Variants in PCCA observed in about 807,000 individuals in gnomAD.
PCCA encodes propionyl-CoA carboxylase subunit alpha.
Under a neutral mutation model 101.3 loss-of-function variants are expected in PCCA, and 74 were observed. That is an observed-to-expected ratio of 0.73 (90% CI 0.61 to 0.89). The LOEUF is 0.89. Ranked by LOEUF, PCCA falls within the 40% of genes least tolerant of loss-of-function variation. The pLI, the probability that PCCA is intolerant of heterozygous loss-of-function variation, is 0.00. For missense variants in PCCA, 891 were observed against 907.0 expected (o/e 0.98, Z 0.23); for synonymous variants, 294 against 313.6 (o/e 0.94, Z 0.66).
chr13:100,370,108 G>A (rs1253604308), intron 19 of PCCA, among the ~76,000 whole-genome samples: 2 of 115,482 alleles, frequency 1.7e-5, no homozygotes, highest in Non-Finnish European at 3.3e-5. Context: ...TTGAGACAGA[G>A]TCTTGCTCTG....
rs544013567 is a variant in PCCA, at chr13:100,178,622, A to G, written c.468+21282A>G. 7.2e-5 allele frequency among the ~76,000 whole-genome samples: 11 copies of G among 152,270 alleles called. No individual in the cohort carries two copies. The South Asian group carries it at 1.7e-3, about 23-fold the overall frequency. ...TAGAAGGATAGGAGGTTCAGGCAGC[A>G]TTTCCTCTGGCAAATACTAAGATTT... On this transcript the variant is annotated intron_variant, in intron 6 of 23. Coordinates refer to ENST00000376285, the MANE Select transcript of PCCA (RefSeq NM_000282.4).
At chr13:100,441,579 A>C (rs934248206) in intron 20 of PCCA, among the ~76,000 whole-genome samples, 5 of 152,242 alleles carry the variant, frequency 3.3e-5, no homozygotes, top group Non-Finnish European at 5.9e-5. Flanking sequence ...TTTTTTAAAG[A>C]AATAAAAAGG....
At chr13:100,366,610 A>C (rs2075184330) in intron 18 of PCCA, among the ~76,000 whole-genome samples, 1 of 151,122 alleles carries the variant, frequency 6.6e-6, no homozygotes, top group Admixed American at 6.6e-5. Context: ...TTCTGCTCAG[A>C]CCTCCTTTTC....
intron 18 of PCCA, among the ~76,000 whole-genome samples, chr13:100,349,749 T>C (rs1194080312): frequency 6.9e-6 from 1 of 144,946 alleles, no homozygotes; most frequent in African/African-American, 2.6e-5. Flanking sequence ...CAGTGTACTT[T>C]GTGCTCAGGC....
At chr13:100,090,279 ATGTT>A (rs2046159672) in intron 1 of PCCA, among the ~76,000 whole-genome samples, 2 of 152,074 alleles carry the variant, frequency 1.3e-5, no homozygotes, top group Non-Finnish European at 2.9e-5. Context: ...AGTGGCACCT[ATGTT>A]TGTTTTGTGT....
chr13:100,208,488 T>C (rs902288339), intron 6 of PCCA, among the ~76,000 whole-genome samples: 1 of 152,218 alleles, frequency 6.6e-6, no homozygotes, highest in African/African-American at 2.4e-5. Context: ...GGTCTGGTTT[T>C]TCCCATTTTA....
intron 9 of PCCA, among the ~76,000 whole-genome samples, chr13:100,257,949 C>T (rs1241694431): frequency 6.6e-6 from 1 of 152,000 alleles, no homozygotes; most frequent in Non-Finnish European, 1.5e-5. Context: ...AAATTACAGT[C>T]AGGATTCTAT....
chr13:100,262,730 G>C lies in PCCA; in HGVS notation c.718G>C (p.Asp240His). The change falls in exon 10 of 24, where the codon GAT becomes CAT. Residue 240 changes from aspartate to histidine, a missense_variant and splice_region_variant. Coordinates refer to ENST00000376285, the MANE Select transcript of PCCA (RefSeq NM_000282.4). ...RIAWDDEETR[D>H]GFRLSSQEAA... Reference sequence around the variant, plus strand: ...CCTTCTTCCTTCTTTTTTTCACAGGGATGGTTTTAGATTGTCATCTCAAGA... The same window carrying C: ...CCTTCTTCCTTCTTTTTTTCACAGGCATGGTTTTAGATTGTCATCTCAAGA... 1 of 1,520,782 alleles carries C rather than the reference G, an allele frequency of 6.6e-7. No homozygotes were observed. The highest frequency in any genetic ancestry group is 9.1e-7 in the Non-Finnish European group (1 of 1,099,332). The allele number at this position is 1,520,782 out of a possible 1,614,324, so 94.2% of individuals were successfully genotyped here. A position where few individuals can be genotyped will look rare whatever the true frequency, so the allele number is the denominator to read the frequency against.
rs116588580 is a variant in PCCA, at chr13:100,243,922, T to G, written c.637+8044T>G. The stretch of plus-strand genomic sequence containing the variant: ...TTTGTTGCTTATATACAACCAATAA[T>G]TCATACTTAAGAGGGATAAAAATAT... On this transcript the variant is annotated intron_variant, in intron 8 of 23. Transcript: ENST00000376285. Among the ~76,000 whole-genome samples the G allele has an allele frequency of 6.3e-3, 960 of 152,326 alleles. 13 individuals carry two copies. Among genetic ancestry groups the G allele is most frequent in the African/African-American group, 0.014 (589 of 41,574 alleles).
intron 7 of PCCA, among the ~76,000 whole-genome samples, chr13:100,218,667 T>C (rs528375941): frequency 1.3e-5 from 2 of 152,206 alleles, no homozygotes; most frequent in East Asian, 1.9e-4. Context: ...CTCTAACTAA[T>C]AGAATATGGC....
At chr13:100,163,406 A>C (rs2054698479) in intron 6 of PCCA, among the ~76,000 whole-genome samples, 1 of 152,034 alleles carries the variant, frequency 6.6e-6, no homozygotes, top group Non-Finnish European at 1.5e-5. Flanking sequence ...ATTGTGTTTT[A>C]TTCTTACTAT....
intron 20 of PCCA, among the ~76,000 whole-genome samples, chr13:100,436,394 A>G (rs1013248856): frequency 6.6e-6 from 1 of 152,242 alleles, no homozygotes; most frequent in African/African-American, 2.4e-5. Context: ...ACAAAGTTGC[A>G]AAGACTGGAC....
chr13:100,207,280 C>G (rs2058917243), intron 6 of PCCA, among the ~76,000 whole-genome samples: 1 of 152,104 alleles, frequency 6.6e-6, no homozygotes, highest in African/African-American at 2.4e-5. Flanking sequence ...TTTCCCTTTT[C>G]TTTTGTTTTG....
intron 1 of PCCA, among the ~76,000 whole-genome samples, chr13:100,092,213 A>G (rs184313435): frequency 3.4e-4 from 52 of 152,262 alleles, no homozygotes; most frequent in African/African-American, 1.2e-3. Flanking sequence ...ACCGAGCCCA[A>G]TGGTGTGATT....
chr13:100,457,659 G>A (rs549519141), intron 21 of PCCA, among the ~76,000 whole-genome samples: 1 of 152,302 alleles, frequency 6.6e-6, no homozygotes, highest in African/African-American at 2.4e-5. Flanking sequence ...TTGATCTGGA[G>A]GGAGACACTC....
intron 16 of PCCA, among the ~76,000 whole-genome samples, chr13:100,316,778 T>C (rs779054753): frequency 4.1e-5 from 6 of 145,838 alleles, no homozygotes; most frequent in African/African-American, 1.6e-4. Context: ...TTAATAGTAT[T>C]CTTTTTTTTT....
Position 100,396,221 on chromosome 13 carries a change from C to T in PCCA, c.1746+27647C>T, listed in dbSNP as rs557685431. On this transcript the variant is annotated intron_variant, in intron 19 of 23. Coordinates refer to ENST00000376285, the MANE Select transcript of PCCA (RefSeq NM_000282.4). ...TGGCATAGAGGAAAACCAAGGGTCA[C>T]GAGGCAGGTGGACTTGAGTTTAAAT... Among the ~76,000 whole-genome samples the T allele has an allele frequency of 6.6e-5, 10 of 152,220 alleles. No individual in the cohort carries two copies. In the South Asian group the frequency reaches 8.3e-4, roughly 13 times the overall value.
At chr13:100,329,458 T>C (rs1027234404) in intron 16 of PCCA, among the ~76,000 whole-genome samples, 3 of 152,048 alleles carry the variant, frequency 2.0e-5, no homozygotes, top group Non-Finnish European at 2.9e-5. Context: ...TAACAACCAA[T>C]TGAGAGCAGT....
At chr13:100,291,919 C>T (rs994862032) in intron 12 of PCCA, among the ~76,000 whole-genome samples, 2 of 152,186 alleles carry the variant, frequency 1.3e-5, no homozygotes, top group African/African-American at 2.4e-5. Context: ...AGCTAGTCTC[C>T]AGTTTTCGTT....
Sources: gnomAD v4.1 joint callset for allele counts (sites outside exome capture counted in the v4.1 genomes callset) on GRCh38, gnomAD v4.1.1 for gene constraint, MANE v1.5 for transcripts, NCBI Gene and HGNC (gene_info 2026-07-23, HGNC 2026-07-21) for gene names.